The following RAD51B variants were observed in gnomAD, a reference collection of about 807,000 sequenced individuals.
The protein encoded by RAD51B is DNA repair protein RAD51 homolog 2.
In RAD51B, 38 loss-of-function variants were observed where a neutral mutation model predicts 42.2. The observed-to-expected ratio is 0.90, with a 90% CI of 0.70 to 1.18. RAD51B has a LOEUF of 1.18. RAD51B is among the 50% of genes most tolerant of loss of function. The pLI, the probability that RAD51B is intolerant of heterozygous loss-of-function variation, is 0.00. For synonymous variants in RAD51B, 154 were observed against 145.2 expected (o/e 1.06, Z -0.43); for missense variants, 373 against 400.7 (o/e 0.93, Z 0.59).
intron 8 of RAD51B, among the ~76,000 whole-genome samples, chr14:68,377,832 A>C (rs1307213176): frequency 6.6e-6 from 1 of 152,382 alleles, no homozygotes; most frequent in East Asian, 1.9e-4. Flanking sequence ...AAAGGGAAGG[A>C]GCGAGACAAA....
At chr14:68,184,379 G>A (rs1041906910) in intron 7 of RAD51B, among the ~76,000 whole-genome samples, 3 of 152,006 alleles carry the variant, frequency 2.0e-5, no homozygotes, top group South Asian at 2.1e-4. Context: ...GGGACTACAG[G>A]TGCATACCAC....
chr14:67,893,856 A>G (rs2043317232), intron 7 of RAD51B, among the ~76,000 whole-genome samples: 1 of 152,018 alleles, frequency 6.6e-6, no homozygotes, highest in African/African-American at 2.4e-5. Context: ...ATTATCTAAT[A>G]CCTCTTCAAT....
At chr14:68,670,704 A>G (rs2140154193) in intron 11 of RAD51B, among the ~76,000 whole-genome samples, 1 of 152,314 alleles carries the variant, frequency 6.6e-6, no homozygotes, top group South Asian at 2.1e-4. Context: ...ATCCACTCTC[A>G]TCTTCCACTG....
chr14:67,942,304 G>A (rs1469452971), intron 7 of RAD51B, among the ~76,000 whole-genome samples: 3 of 151,868 alleles, frequency 2.0e-5, no homozygotes, highest in South Asian at 2.1e-4. Context: ...CTTTACTTTC[G>A]TAATGCATTT....
chr14:68,680,545 A>T (rs943739975), intron 11 of RAD51B, among the ~76,000 whole-genome samples: 2 of 152,232 alleles, frequency 1.3e-5, no homozygotes, highest in Non-Finnish European at 2.9e-5. Context: ...TTTACCAATC[A>T]GCTTTCACAA....
chr14:67,948,633 C>A (rs116815024), intron 7 of RAD51B, among the ~76,000 whole-genome samples: 1 of 151,538 alleles, frequency 6.6e-6, no homozygotes, highest in Non-Finnish European at 1.5e-5. Context: ...AATATTATGT[C>A]AAAAAAGCAA....
chr14:68,615,896 T>C (rs1209433117), downstream of RAD51B, among the ~76,000 whole-genome samples: 1 of 152,202 alleles, frequency 6.6e-6, no homozygotes, highest in African/African-American at 2.4e-5. Flanking sequence ...CCATTTGCAT[T>C]TAATTACAAG....
At chr14:68,613,717 G>T (rs1300931027), downstream of RAD51B, among the ~76,000 whole-genome samples, 1 of 152,120 alleles carries the variant, frequency 6.6e-6, no homozygotes, top group Non-Finnish European at 1.5e-5. Context: ...ACCTCCCAAA[G>T]TGCTGGGATT....
chr14:68,628,335 C>A (rs1358573332), intron 10 of RAD51B: 1 of 152,212 alleles, frequency 6.6e-6, no homozygotes, highest in African/African-American at 2.4e-5. Context: ...AAGGGGTTAA[C>A]GCAGCGCCCC....
intron 10 of RAD51B, among the ~76,000 whole-genome samples, chr14:68,637,122 C>G (rs1183166547): frequency 6.6e-6 from 1 of 152,148 alleles, no homozygotes; most frequent in Non-Finnish European, 1.5e-5. Flanking sequence ...CTCCATTGCT[C>G]AGGCTAGAGT....
intron 10 of RAD51B, among the ~76,000 whole-genome samples, chr14:68,542,372 T>G (rs1888013166): frequency 6.6e-6 from 1 of 152,260 alleles, no homozygotes; most frequent in East Asian, 1.9e-4. Flanking sequence ...TGCTTGTGCT[T>G]ATACTACTAA....
At chr14:68,171,778 T>G (rs1048500785) in intron 7 of RAD51B, among the ~76,000 whole-genome samples, 4 of 149,752 alleles carry the variant, frequency 2.7e-5, no homozygotes, top group African/African-American at 9.8e-5. Flanking sequence ...GCGATCTCGG[T>G]TCACTTTAAC....
chr14:68,076,951 T>A (rs1032587580), intron 7 of RAD51B, among the ~76,000 whole-genome samples: 2 of 152,164 alleles, frequency 1.3e-5, no homozygotes, highest in African/African-American at 4.8e-5. Context: ...CACTGAGATG[T>A]TTAGCTTCCA....
At chr14:68,377,381 C>G (rs1007937773) in intron 8 of RAD51B, among the ~76,000 whole-genome samples, 1 of 152,168 alleles carries the variant, frequency 6.6e-6, no homozygotes, top group Admixed American at 6.5e-5. Context: ...AGTTCCTCTC[C>G]AGTTTTTAGC....
At position 68,443,627 on chromosome 14, in the gene RAD51B, A is replaced by T. The variant is rs368679948; in HGVS notation, c.958-24545A>T. 2.2e-4 allele frequency among the ~76,000 whole-genome samples: 34 copies of T among 152,122 alleles called. 6 individuals are homozygous for T. Among genetic ancestry groups the T allele is most frequent in the Admixed American group, 2.1e-3 (32 of 15,286 alleles). ...TTTCCATTTTCAAATGGAAAATGTC[A>T]CATTTCTTTCCATTTTTCAAATGCT... On this transcript the variant is annotated intron_variant, in intron 9 of 10. Coordinates refer to ENST00000471583, the MANE Select transcript of RAD51B (RefSeq NM_133510.4).
intron 7 of RAD51B, among the ~76,000 whole-genome samples, chr14:68,074,382 T>G (rs987812262): frequency 1.4e-4 from 22 of 152,226 alleles, no homozygotes; most frequent in African/African-American, 5.3e-4. Context: ...CATCTCAGTT[T>G]GTTTCTTTCT....
intron 7 of RAD51B, among the ~76,000 whole-genome samples, chr14:67,950,174 T>A (rs960058970): frequency 6.6e-6 from 1 of 152,172 alleles, no homozygotes; most frequent in East Asian, 1.9e-4. Flanking sequence ...AGGCACTGAC[T>A]TCTGCTCTCC....
At chr14:68,446,312 TA>T (rs2085420448) in intron 9 of RAD51B, among the ~76,000 whole-genome samples, 1 of 152,244 alleles carries the variant, frequency 6.6e-6, no homozygotes, top group South Asian at 2.1e-4. Flanking sequence ...AAGTGACTTG[TA>T]GCTACTAGTT....
At chr14:68,581,625 T>C (rs755965812) in intron 10 of RAD51B, among the ~76,000 whole-genome samples, 53 of 152,164 alleles carry the variant, frequency 3.5e-4, no homozygotes, top group Admixed American at 9.2e-4. Flanking sequence ...CCAGCTACCA[T>C]TGACTTTCTT....
Sources: allele counts gnomAD v4.1 joint callset (sites outside exome capture counted in the v4.1 genomes callset), GRCh38; gene constraint gnomAD v4.1.1; transcripts MANE v1.5; gene names NCBI Gene and HGNC (gene_info 2026-07-23, HGNC 2026-07-21).